The following FBXL17 variants were observed in gnomAD, a reference collection of about 807,000 sequenced individuals.
FBXL17 encodes the protein F-box and leucine rich repeat protein 17.
In FBXL17, 22 loss-of-function variants were observed where a neutral mutation model predicts 66.2. The observed-to-expected ratio is 0.33, with a 90% CI of 0.24 to 0.47. The LOEUF (loss-of-function observed/expected upper bound fraction) is 0.47. Ranked by LOEUF, FBXL17 falls within the 20% of genes least tolerant of loss-of-function variation. FBXL17 has a pLI of 1.00. For synonymous variants in FBXL17, 474 were observed against 400.5 expected (o/e 1.18, Z -2.19); for missense variants, 878 against 948.2 (o/e 0.93, Z 0.97).
At chr5:108,055,422 C>T (rs1431664158) in intron 6 of FBXL17, among the ~76,000 whole-genome samples, 1 of 148,664 alleles carries the variant, frequency 6.7e-6, no homozygotes, top group African/African-American at 2.5e-5. Context: ...TCCTGGCTAA[C>T]ACAGTGAAAC....
chr5:108,089,613 T>C (rs1409326975), intron 6 of FBXL17, among the ~76,000 whole-genome samples: 1 of 152,166 alleles, frequency 6.6e-6, no homozygotes, highest in Non-Finnish European at 1.5e-5. Flanking sequence ...TGTATTTGTT[T>C]GTGATTATTT....
chr5:108,101,606 AT>A (rs1218539877), intron 6 of FBXL17, among the ~76,000 whole-genome samples: 21 of 152,356 alleles, frequency 1.4e-4, no homozygotes, highest in African/African-American at 5.0e-4. Context: ...TCTGTGCCTT[AT>A]TTCAACACTA....
intron 6 of FBXL17, among the ~76,000 whole-genome samples, chr5:108,038,242 T>C (rs1162959007): frequency 3.9e-5 from 6 of 152,140 alleles, no homozygotes; most frequent in South Asian, 2.1e-4. Context: ...ATAGGTTCCA[T>C]ATTATATAAT....
At chr5:108,044,730 T>A (rs963357294) in intron 6 of FBXL17, among the ~76,000 whole-genome samples, 1 of 152,198 alleles carries the variant, frequency 6.6e-6, no homozygotes, top group Non-Finnish European at 1.5e-5. Flanking sequence ...TCTTAAAATG[T>A]TTGGTAGAAT....
intron 6 of FBXL17, among the ~76,000 whole-genome samples, chr5:108,155,277 G>A (rs1166143480): frequency 6.6e-6 from 1 of 152,128 alleles, no homozygotes; most frequent in Non-Finnish European, 1.5e-5. Flanking sequence ...AGTACTTTGG[G>A]AGGTTGAGGT....
Position 108,212,073 on chromosome 5 carries a change from T to G in FBXL17, c.1614+12048A>C, listed in dbSNP as rs371299625. On this transcript the variant is annotated intron_variant, in intron 5 of 8. Transcript: ENST00000542267. The stretch of plus-strand genomic sequence containing the variant: ...TGTCTTCTCTCTTTCTTTCATTAAG[T>G]TGATCTTCAATCAATGATATCCTTT... 5.3e-5 allele frequency among the ~76,000 whole-genome samples: 8 copies of G among 152,356 alleles called. 1 individual carries two copies. The highest frequency in any genetic ancestry group is 3.4e-3 in the Middle Eastern group (1 of 294).
intron 7 of FBXL17, among the ~76,000 whole-genome samples, chr5:108,009,885 A>T (rs1210354815): frequency 6.6e-6 from 1 of 152,176 alleles, no homozygotes; most frequent in Non-Finnish European, 1.5e-5. Context: ...ATAGCTAATA[A>T]GATCAACGTG....
intron 7 of FBXL17, among the ~76,000 whole-genome samples, chr5:107,994,148 G>C (rs1373742757): frequency 6.6e-6 from 1 of 152,112 alleles, no homozygotes; most frequent in Non-Finnish European, 1.5e-5. Context: ...CATAAAGCCA[G>C]ATTATTTCCT....
At chr5:108,135,424 G>T (rs1166177513) in intron 6 of FBXL17, among the ~76,000 whole-genome samples, 1 of 152,110 alleles carries the variant, frequency 6.6e-6, no homozygotes, top group Non-Finnish European at 1.5e-5. Context: ...GCAAGCATCT[G>T]GATCCTGATG....
chr5:107,952,256 A>G (rs78317010), intron 7 of FBXL17, among the ~76,000 whole-genome samples: 1 of 152,150 alleles, frequency 6.6e-6, no homozygotes, highest in Non-Finnish European at 1.5e-5. Context: ...TGATCCTTCT[A>G]TGGTTTATTT....
intron 7 of FBXL17, among the ~76,000 whole-genome samples, chr5:107,935,098 T>C (rs984667140): frequency 1.3e-5 from 2 of 152,068 alleles, no homozygotes; most frequent in Non-Finnish European, 1.5e-5. Context: ...ACACATAAGA[T>C]ATTGTTTAAA....
chr5:108,259,091 G>A (rs1337014545), intron 4 of FBXL17, among the ~76,000 whole-genome samples: 3 of 151,944 alleles, frequency 2.0e-5, no homozygotes, highest in East Asian at 1.9e-4. Context: ...AGTCTTCGGC[G>A]ACTATCAGCT....
At chr5:108,158,509 CTGTGTGTG>C (rs3984948) in intron 6 of FBXL17, among the ~76,000 whole-genome samples, 1 of 149,206 alleles carries the variant, frequency 6.7e-6, no homozygotes, top group Non-Finnish European at 1.5e-5. Context: ...GTGTGTGTGT[CTGTGTGTG>C]TGTGTGTGTG....
chr5:108,175,876 A>C (rs189912925), intron 6 of FBXL17, among the ~76,000 whole-genome samples: 14 of 152,356 alleles, frequency 9.2e-5, no homozygotes, highest in Non-Finnish European at 1.5e-4. Context: ...ATTAATAACT[A>C]ATCACAGGAG....
chr5:107,988,238 A>C (rs941490650), intron 7 of FBXL17, among the ~76,000 whole-genome samples: 3 of 152,052 alleles, frequency 2.0e-5, no homozygotes, highest in Admixed American at 6.6e-5. Context: ...AAACCAAGTA[A>C]TTCTATATCT....
In FBXL17 at chr5:108,260,574, A is replaced by G. The variant is rs1351825782; in HGVS notation, c.1507-36346T>C. Among the ~76,000 whole-genome samples, 5 of 152,182 alleles carry G rather than the reference A, an allele frequency of 3.3e-5. No homozygotes were observed. The South Asian group carries it at 1.0e-3, about 32-fold the overall frequency. Reference sequence around the variant, plus strand: ...CATCGTATTACAAGGAGGGAAGAAGAGAACGGGTTCCTATACCCCTACATT... The same window carrying G: ...CATCGTATTACAAGGAGGGAAGAAGGGAACGGGTTCCTATACCCCTACATT... On this transcript the variant is annotated intron_variant, in intron 4 of 8. Coordinates refer to ENST00000542267, the MANE Select transcript of FBXL17 (RefSeq NM_001163315.3).
chr5:108,375,590 A>T (rs1256538275), intron 1 of FBXL17, among the ~76,000 whole-genome samples: 1 of 152,178 alleles, frequency 6.6e-6, no homozygotes, highest in African/African-American at 2.4e-5. Flanking sequence ...GGAAATAGAA[A>T]ATCTGAGTAG....
chr5:107,889,979 A>AC (rs1196470143), intron 7 of FBXL17, among the ~76,000 whole-genome samples: 1 of 152,088 alleles, frequency 6.6e-6, no homozygotes, highest in Non-Finnish European at 1.5e-5. Context: ...GTGGGAACCA[A>AC]CCCTTTGAGT....
intron 6 of FBXL17, among the ~76,000 whole-genome samples, chr5:108,149,160 T>G (rs1031916561): frequency 1.2e-4 from 19 of 152,220 alleles, no homozygotes; most frequent in African/African-American, 4.6e-4. Context: ...GACAATGATT[T>G]ATAGACATAT....
Sources: gnomAD v4.1 joint callset for allele counts (sites outside exome capture counted in the v4.1 genomes callset) on GRCh38, gnomAD v4.1.1 for gene constraint, MANE v1.5 for transcripts, NCBI Gene and HGNC (gene_info 2026-07-23, HGNC 2026-07-21) for gene names.